TRPM6: variants seen among roughly 807,000 people sequenced by gnomAD.
TRPM6 encodes channel kinase 2.
In TRPM6, 111 loss-of-function variants were observed where a neutral mutation model predicts 247.6. That is an observed-to-expected ratio of 0.45 (90% confidence interval 0.38 to 0.52). The LOEUF is 0.52. TRPM6 is among the 20% of genes least tolerant of loss of function. The pLI, the probability that TRPM6 is intolerant of heterozygous loss-of-function variation, is 0.00. For synonymous variants in TRPM6, 892 were observed against 853.8 expected (o/e 1.04, Z -0.78); for missense variants, 2,126 against 2,421.5 (o/e 0.88, Z 2.56).
Position 74,887,806 on chromosome 9 carries a change from C to T in TRPM6, c.33+18G>A, listed in dbSNP as rs201759889. 5.5e-5 allele frequency: 89 copies of T among 1,614,034 alleles called. No homozygotes were observed. The highest frequency in any genetic ancestry group is 7.3e-5 in the Non-Finnish European group (86 of 1,180,048). On this transcript the variant is annotated intron_variant, in intron 1 of 38. Transcript: ENST00000360774. ...CCTAAGGTCCTTGTTCCCCGCCAGT[C>T]GAGCAGCCTGAGCTTACCTGCAAGC...
chr9:74,755,620 C>CAGG, intron 27 of TRPM6, 147 bp from the exon 28 acceptor site: 1 of 1,007,698 alleles, frequency 9.9e-7, no homozygotes, highest in Admixed American at 1.8e-5. Flanking sequence ...CAAATCCCAT[C>CAGG]ACTTAGGCTG....
intron 14 of TRPM6, among the ~76,000 whole-genome samples, chr9:74,806,051 T>A (rs898914277): frequency 6.6e-6 from 1 of 152,186 alleles, no homozygotes; most frequent in African/African-American, 2.4e-5. Context: ...TTTTCCTAAG[T>A]ACATTTCATT....
intron 3 of TRPM6, among the ~76,000 whole-genome samples, chr9:74,842,725 A>C (rs542606514): frequency 1.3e-5 from 2 of 152,240 alleles, no homozygotes; most frequent in Admixed American, 6.5e-5. Flanking sequence ...GTTCAATAGC[A>C]TTACGTCTAA....
At chr9:74,840,306 G>T in intron 4 of TRPM6, 69 bp from the exon 5 acceptor site, 6 of 1,152,518 alleles carry the variant, frequency 5.2e-6, no homozygotes, top group South Asian at 3.9e-5. Flanking sequence ...GAAACAATGA[G>T]CACACAGCAG....
chr9:74,867,442 T>C (rs77408871), intron 1 of TRPM6, among the ~76,000 whole-genome samples: 1 of 152,162 alleles, frequency 6.6e-6, no homozygotes, highest in Admixed American at 6.5e-5. Context: ...CCCCAGATGG[T>C]CTCAGTTCCC....
Position 74,842,203 on chromosome 9 carries a change from A to G in TRPM6, c.293T>C (p.Ile98Thr), listed in dbSNP as rs1272469849. Reference sequence around the variant, plus strand: ...GGTGTGCTCTCCATCTTGGAAATTAATCGTGCCAAAAGTATCTGTTGGGCT... The same window carrying G: ...GGTGTGCTCTCCATCTTGGAAATTAGTCGTGCCAAAAGTATCTGTTGGGCT... ...TKSPTDTFGTINFQDGEHTHH... is the reference protein window; with the variant it reads ...TKSPTDTFGTTNFQDGEHTHH... Residue 98 changes from isoleucine to threonine, a missense_variant, in exon 4 of 39, where the codon ATT (isoleucine) becomes ACT (threonine). This residue lies in a region of TRPM6 where 1,082 missense variants were observed against 1,307.9 expected (regional missense o/e 0.83). Coordinates refer to ENST00000360774, the MANE Select transcript of TRPM6 (RefSeq NM_017662.5). 6.2e-7 allele frequency: 1 copy of G among 1,613,994 alleles called. No individual in the cohort carries two copies. Among genetic ancestry groups the G allele is most frequent in the Admixed American group, 1.7e-5 (1 of 60,002 alleles).
chr9:74,844,034 A>G (rs1331154199), intron 3 of TRPM6, among the ~76,000 whole-genome samples: 1 of 152,176 alleles, frequency 6.6e-6, no homozygotes, highest in African/African-American at 2.4e-5. Flanking sequence ...CAGTGGGCTT[A>G]AAATATTCAG....
chr9:74,828,621 T>C (rs1027609164), intron 6 of TRPM6, among the ~76,000 whole-genome samples: 1 of 150,986 alleles, frequency 6.6e-6, no homozygotes, highest in African/African-American at 2.4e-5. Context: ...TATTTTTTTT[T>C]CCTTTCTTTC....
intron 38 of TRPM6, among the ~76,000 whole-genome samples, chr9:74,726,642 G>T (rs998175996): frequency 2.0e-5 from 3 of 152,210 alleles, no homozygotes; most frequent in Non-Finnish European, 4.4e-5. Flanking sequence ...GTCTCCCTGT[G>T]TCCTGGCTCC....
chr9:74,818,592 C>T (rs998602233), intron 9 of TRPM6, among the ~76,000 whole-genome samples: 7 of 152,106 alleles, frequency 4.6e-5, no homozygotes, highest in Non-Finnish European at 7.4e-5. Flanking sequence ...CGTGAGCCAA[C>T]GTGTCCGAGC....
intron 3 of TRPM6, among the ~76,000 whole-genome samples, chr9:74,852,483 C>T (rs1830362504): frequency 7.0e-6 from 1 of 141,980 alleles, no homozygotes; most frequent in South Asian, 2.1e-4. Context: ...CTCTCCCTCT[C>T]CGTCTCCGTC....
chr9:74,745,084 G>GGA (rs1455167795), intron 31 of TRPM6, among the ~76,000 whole-genome samples: 1 of 152,316 alleles, frequency 6.6e-6, no homozygotes. Flanking sequence ...AAATGTATTA[G>GGA]GAGAGAGAGA....
At chr9:74,781,935 G>A (rs1032121129) in intron 23 of TRPM6, among the ~76,000 whole-genome samples, 1 of 152,184 alleles carries the variant, frequency 6.6e-6, no homozygotes, top group Non-Finnish European at 1.5e-5. Flanking sequence ...ATGCAGAGAC[G>A]TTTTATCTTT....
chr9:74,815,982 G>A (rs892259025), intron 11 of TRPM6, among the ~76,000 whole-genome samples: 1 of 152,066 alleles, frequency 6.6e-6, no homozygotes, highest in African/African-American at 2.4e-5. Context: ...TTTCTAATGT[G>A]AGCACCTACT....
Position 74,756,757 on chromosome 9 carries a change from G to C in TRPM6, c.4786-1284C>G, listed in dbSNP as rs1215478943. 2.0e-4 allele frequency among the ~76,000 whole-genome samples: 31 copies of C among 151,806 alleles called. 1 individual carries two copies. Among genetic ancestry groups the C allele is most frequent in the Admixed American group, 2.0e-3 (31 of 15,226 alleles). Reference sequence around the variant, plus strand: ...CCAGGTACTCAAGGGGCTGAGGTGGGAGGATCACTTGAGACTGGGAGACAG... The same window carrying C: ...CCAGGTACTCAAGGGGCTGAGGTGGCAGGATCACTTGAGACTGGGAGACAG... On this transcript the variant is annotated intron_variant, in intron 27 of 38. Coordinates refer to ENST00000360774, the MANE Select transcript of TRPM6 (RefSeq NM_017662.5).
intron 25 of TRPM6, among the ~76,000 whole-genome samples, chr9:74,764,926 T>C (rs1784100305): frequency 6.6e-6 from 1 of 152,044 alleles, no homozygotes; most frequent in Admixed American, 6.5e-5. Context: ...CCCAGTAAAA[T>C]AGTCAACCTC....
intron 1 of TRPM6, 99 bp downstream of exon 1, chr9:74,887,725 T>G (rs887986674): frequency 6.2e-7 from 1 of 1,613,094 alleles, no homozygotes; most frequent in Non-Finnish European, 8.5e-7. Context: ...TTAGATGTAG[T>G]GTCCCTGGCC....
intron 25 of TRPM6, among the ~76,000 whole-genome samples, chr9:74,763,343 G>C (rs922439569): frequency 1.3e-5 from 2 of 152,132 alleles, no homozygotes; most frequent in African/African-American, 2.4e-5. Context: ...CTACCCATAG[G>C]AGAGGAAAAA....
At chr9:74,820,183 C>T (rs935507688) in intron 9 of TRPM6, 121 bp downstream of exon 9, 13 of 1,120,844 alleles carry the variant, frequency 1.2e-5, no homozygotes, top group Non-Finnish European at 1.6e-5. Context: ...CTGACAGGCC[C>T]CTGTATGTTG....
Sources: gnomAD v4.1 joint callset for allele counts (sites outside exome capture counted in the v4.1 genomes callset) on GRCh38, gnomAD v4.1.1 for gene constraint, gnomAD v4.1.1 regional missense constraint, MANE v1.5 for transcripts, NCBI Gene and HGNC (gene_info 2026-07-23, HGNC 2026-07-21) for gene names.